USP24: variants seen among roughly 807,000 people sequenced by gnomAD.
USP24 encodes ubiquitin specific peptidase 24.
USP24 carries 97 observed loss-of-function variants against 361.6 expected under a neutral mutation model. The observed-to-expected ratio is 0.27, with a 90% CI of 0.23 to 0.32. The LOEUF is 0.32. Among genes scored for constraint, USP24 ranks in the 10% least tolerant of loss-of-function variants. The pLI is 1.00. For synonymous variants in USP24, 1,098 were observed against 1,124.6 expected (o/e 0.98, Z 0.47); for missense variants, 2,353 against 3,165.6 (o/e 0.74, Z 6.16).
At chr1:55,171,733 T>C (rs1649469026) in intron 4 of USP24, 55 bp from the exon 5 acceptor site, 1 of 1,533,400 alleles carries the variant, frequency 6.5e-7, no homozygotes, top group South Asian at 1.2e-5. Flanking sequence ...GCAACACATA[T>C]TAGCATTAGA....
intron 1 of USP24, among the ~76,000 whole-genome samples, chr1:55,207,600 AT>A (rs1485153087): frequency 6.6e-6 from 1 of 152,214 alleles, no homozygotes; most frequent in African/African-American, 2.4e-5. Context: ...CATACACAGC[AT>A]TTCCATTGTA....
chr1:55,172,739 G>A (rs1649579995), intron 3 of USP24, among the ~76,000 whole-genome samples: 1 of 152,158 alleles, frequency 6.6e-6, no homozygotes, highest in Non-Finnish European at 1.5e-5. Flanking sequence ...TCTCTTGCAT[G>A]AAAGCACTTT....
intron 1 of USP24, among the ~76,000 whole-genome samples, chr1:55,203,871 A>T (rs538320945): frequency 6.6e-6 from 1 of 152,344 alleles, no homozygotes; most frequent in South Asian, 2.1e-4. Context: ...TGGCTGCTCA[A>T]TAGACACCTA....
At chr1:55,092,568 T>C (rs745338583) in intron 53 of USP24, among the ~76,000 whole-genome samples, 4 of 152,226 alleles carry the variant, frequency 2.6e-5, no homozygotes, top group Non-Finnish European at 4.4e-5. Flanking sequence ...TAAGATTCTT[T>C]TATAAATCTA....
At chr1:55,124,742 C>T (rs1646378348) in intron 34 of USP24, 114 bp from the exon 35 acceptor site, 2 of 1,170,898 alleles carry the variant, frequency 1.7e-6, no homozygotes, top group Non-Finnish European at 2.4e-6. Context: ...CCAAGGTCAT[C>T]CAGAAAGATG....
At chr1:55,076,915 C>T (rs944506130) in intron 62 of USP24, among the ~76,000 whole-genome samples, 13 of 152,098 alleles carry the variant, frequency 8.5e-5, no homozygotes, top group Non-Finnish European at 1.5e-4. Context: ...ATATCATTTG[C>T]GCTAACACGA....
At chr1:55,136,330 A>T (rs1646734486) in intron 28 of USP24, among the ~76,000 whole-genome samples, 1 of 152,154 alleles carries the variant, frequency 6.6e-6, no homozygotes, top group Non-Finnish European at 1.5e-5. Context: ...AGCTCACAGG[A>T]GACAACCTTG....
chr1:55,106,068 A>G, intron 41 of USP24, 78 bp downstream of exon 41: 3 of 1,133,698 alleles, frequency 2.6e-6, no homozygotes, highest in Non-Finnish European at 3.9e-6. Flanking sequence ...ACAAACTCCA[A>G]GTTAACAAAA....
chr1:55,079,448 A>T, intron 60 of USP24, 90 bp downstream of exon 60: 4 of 1,486,032 alleles, frequency 2.7e-6, no homozygotes, highest in Non-Finnish European at 3.6e-6. Flanking sequence ...TTTCTTAACA[A>T]TACTCTTCAT....
rs1363243602 is a variant in USP24, at chr1:55,093,988, T to C, written c.6303A>G (p.Lys2101=). Residue 2101 remains lysine, a synonymous_variant, in exon 52 of 68, where the codon AAA becomes AAG. Transcript: ENST00000294383. The part of the protein sequence containing the change: ...RLSILTKLVK[K]GEKKGLFVEK... ...CCACAAACAGTCCTTTCTTCTCGCC[T>C]TTTTTAACCAGCTTGGTAAGAATAG... The C allele has an allele frequency of 1.9e-6, 3 of 1,613,598 alleles. No individual in the cohort carries two copies. Among genetic ancestry groups the C allele is most frequent in the East Asian group, 2.2e-5 (1 of 44,886 alleles).
intron 51 of USP24, among the ~76,000 whole-genome samples, chr1:55,094,944 A>C (rs1401864345): frequency 6.6e-6 from 1 of 152,122 alleles, no homozygotes; most frequent in Non-Finnish European, 1.5e-5. Flanking sequence ...TCGAGGCTGC[A>C]GTGAGCTATG....
intron 1 of USP24, among the ~76,000 whole-genome samples, chr1:55,213,751 T>C (rs1277693410): frequency 6.6e-6 from 1 of 152,162 alleles, no homozygotes; most frequent in Non-Finnish European, 1.5e-5. Flanking sequence ...ATCTTTTTTC[T>C]TTATTATAGA....
intron 1 of USP24, among the ~76,000 whole-genome samples, chr1:55,183,282 A>G (rs1226721448): frequency 6.6e-6 from 1 of 152,230 alleles, no homozygotes; most frequent in Non-Finnish European, 1.5e-5. Flanking sequence ...GTAAAGGGGC[A>G]TGGTGTCTGT....
At chr1:55,092,955 A>G in intron 52 of USP24, 39 bp from the exon 53 acceptor site, 1 of 1,331,118 alleles carries the variant, frequency 7.5e-7, no homozygotes, top group South Asian at 1.5e-5. Context: ...ATGAAATGGA[A>G]AAATATTCAA....
In USP24 at chr1:55,202,491, G is replaced by A. The variant is rs182199380; in HGVS notation, c.324+12299C>T. The stretch of plus-strand genomic sequence containing the variant: ...GCGATCTCGGCTCACTGCAAACTCC[G>A]CCTCCCAGGTTCAAGCAATTCTCCT... On this transcript the variant is annotated intron_variant, in intron 1 of 67. Coordinates refer to ENST00000294383, the MANE Select transcript of USP24 (RefSeq NM_015306.3). Among the ~76,000 whole-genome samples the A allele has an allele frequency of 3.8e-3, 574 of 151,318 alleles. 5 individuals carry two copies. Among genetic ancestry groups the A allele is most frequent in the African/African-American group, 0.013 (536 of 41,154 alleles).
chr1:55,086,578 G>A (rs948489468), intron 55 of USP24: 1 of 154,214 alleles, frequency 6.5e-6, no homozygotes, highest in Non-Finnish European at 1.4e-5. Flanking sequence ...ACACTTCTGA[G>A]ACCTTTGGAG....
At chr1:55,132,133 C>A (rs117246813) in intron 31 of USP24, among the ~76,000 whole-genome samples, 1 of 152,150 alleles carries the variant, frequency 6.6e-6, no homozygotes, top group Admixed American at 6.5e-5. Context: ...CTAATTACAA[C>A]GAACTGAGTG....
chr1:55,153,973 T>A, intron 15 of USP24, 56 bp from the exon 16 acceptor site: 1 of 1,541,670 alleles, frequency 6.5e-7, no homozygotes, highest in Non-Finnish European at 8.8e-7. Context: ...ATACCTATAA[T>A]TTCCCGATCT....
chr1:55,164,394 G>C lies in USP24; in HGVS notation c.927+1491C>G, dbSNP rs369189231. On this transcript the variant is annotated intron_variant, in intron 7 of 67. Coordinates refer to ENST00000294383, the MANE Select transcript of USP24 (RefSeq NM_015306.3). Reference sequence around the variant, plus strand: ...TGTTTTGTATAGGTGTTTTTAACTAGTGGGCTTGTGAGTGATATTTTTTCC... The same window carrying C: ...TGTTTTGTATAGGTGTTTTTAACTACTGGGCTTGTGAGTGATATTTTTTCC... Among the ~76,000 whole-genome samples the C allele has an allele frequency of 2.0e-4, 31 of 152,130 alleles. No homozygotes were observed. In the East Asian group the frequency reaches 6.0e-3, roughly 29 times the overall value.
Sources: allele counts gnomAD v4.1 joint callset (sites outside exome capture counted in the v4.1 genomes callset), GRCh38; gene constraint gnomAD v4.1.1; transcripts MANE v1.5; gene names NCBI Gene and HGNC (gene_info 2026-07-23, HGNC 2026-07-21).